Variants in SIL1 observed in about 807,000 individuals in gnomAD.
SIL1 encodes the protein SIL1 nucleotide exchange factor, also known as nucleotide exchange factor SIL1.
A neutral mutation model predicts 49.1 loss-of-function variants in SIL1; 40 were observed. That is an observed-to-expected ratio of 0.81 (90% CI 0.63 to 1.06). SIL1 has a LOEUF of 1.06. SIL1 is among the 50% of genes least tolerant of loss of function. The pLI is 0.00. For synonymous variants in SIL1, 253 were observed against 250.8 expected (o/e 1.01, Z -0.08); for missense variants, 500 against 572.6 (o/e 0.87, Z 1.29).
At chr5:139,161,876 G>A (rs2151810919) in intron 1 of SIL1, among the ~76,000 whole-genome samples, 1 of 152,172 alleles carries the variant, frequency 6.6e-6, no homozygotes, top group Admixed American at 6.5e-5. Flanking sequence ...AGCTGGGCAT[G>A]GTAGCACGCT....
intron 3 of SIL1, among the ~76,000 whole-genome samples, chr5:139,082,150 G>T (rs7733144): frequency 0.12 from 17,891 of 152,114 alleles, 2,517 homozygotes; most frequent in African/African-American, 0.34. Flanking sequence ...GAATTCTTTG[G>T]TTACACAACT....
intron 1 of SIL1, among the ~76,000 whole-genome samples, chr5:139,129,976 T>C (rs1359936309): frequency 6.6e-6 from 1 of 152,208 alleles, no homozygotes; most frequent in Non-Finnish European, 1.5e-5. Flanking sequence ...ACATCTCTGT[T>C]ATGGGTATAT....
At chr5:139,125,062 G>A (rs761584591) in intron 2 of SIL1, among the ~76,000 whole-genome samples, 13 of 152,188 alleles carry the variant, frequency 8.5e-5, no homozygotes, top group South Asian at 2.1e-4. Flanking sequence ...GCCCTTCCTC[G>A]GCAAAGACTT....
At chr5:138,968,095 G>A (rs142764748) in intron 7 of SIL1, among the ~76,000 whole-genome samples, 23 of 152,244 alleles carry the variant, frequency 1.5e-4, no homozygotes, top group East Asian at 9.7e-4. Context: ...CATCCAAGTC[G>A]GAAGTCCTTT....
chr5:139,016,625 G>T (rs1200586882), intron 7 of SIL1, among the ~76,000 whole-genome samples: 1 of 152,068 alleles, frequency 6.6e-6, no homozygotes, highest in African/African-American at 2.4e-5. Context: ...CAAACCAAGG[G>T]ACTATAATGA....
At chr5:138,998,319 C>T (rs543361964) in intron 7 of SIL1, among the ~76,000 whole-genome samples, 7 of 152,176 alleles carry the variant, frequency 4.6e-5, no homozygotes, top group African/African-American at 1.4e-4. Flanking sequence ...AGGCGCGCAC[C>T]ACCACACTTG....
intron 3 of SIL1, among the ~76,000 whole-genome samples, chr5:139,112,785 C>A (rs954092333): frequency 1.3e-5 from 2 of 152,142 alleles, no homozygotes; most frequent in African/African-American, 2.4e-5. Flanking sequence ...GCCACCACCC[C>A]GTCTGGGAGG....
intron 3 of SIL1, among the ~76,000 whole-genome samples, chr5:139,090,073 T>G (rs1770308500): frequency 6.6e-6 from 1 of 152,074 alleles, no homozygotes; most frequent in Non-Finnish European, 1.5e-5. Flanking sequence ...TCTCAAGGAA[T>G]GTCTAGACCT....
At chr5:139,055,757 C>T (rs1204918173) in intron 3 of SIL1, among the ~76,000 whole-genome samples, 1 of 150,376 alleles carries the variant, frequency 6.6e-6, no homozygotes, top group African/African-American at 2.4e-5. Flanking sequence ...TCTCGGCTCA[C>T]TGCAACCTCC....
At position 138,946,867 on chromosome 5, in the gene SIL1, C is replaced by T. The variant is rs1766639686; in HGVS notation, c.*250G>A. 1.8e-6 allele frequency: 1 copy of T among 551,854 alleles called. No homozygotes were observed. The allele number at this position is 551,854 out of a possible 1,614,324, so 34.2% of individuals were successfully genotyped here. On this transcript the variant is annotated 3_prime_UTR_variant, in exon 10 of 10. Transcript: ENST00000394817. ...CTGGGCCCAGGTTCCTGCCCTGGAG[C>T]CTGTTCCTGGATGCCCTGGGCTGAG...
intron 1 of SIL1, among the ~76,000 whole-genome samples, chr5:139,157,492 G>A (rs888706595): frequency 6.6e-6 from 1 of 152,198 alleles, no homozygotes; most frequent in South Asian, 2.1e-4. Flanking sequence ...TTTTCAGGAT[G>A]AGTGTTGGTG....
intron 2 of SIL1, among the ~76,000 whole-genome samples, chr5:139,123,307 G>A (rs147764213): frequency 0.012 from 1,779 of 152,326 alleles, 33 homozygotes; most frequent in African/African-American, 0.04. Flanking sequence ...CCTCCATTCT[G>A]AGGACATGGA....
chr5:139,161,851 A>G (rs1469486250), intron 1 of SIL1, among the ~76,000 whole-genome samples: 1 of 151,972 alleles, frequency 6.6e-6, no homozygotes, highest in African/African-American at 2.4e-5. Flanking sequence ...CATCTCTACT[A>G]AAAACACAAA....
intron 1 of SIL1, among the ~76,000 whole-genome samples, chr5:139,195,510 C>A (rs916788702): frequency 6.6e-6 from 1 of 152,172 alleles, no homozygotes; most frequent in Non-Finnish European, 1.5e-5. Flanking sequence ...GCCTCAGCCT[C>A]CTGAGTAGCT....
chr5:138,957,883 G>C (rs1244036117), intron 7 of SIL1, among the ~76,000 whole-genome samples: 1 of 150,606 alleles, frequency 6.6e-6, no homozygotes, highest in Admixed American at 6.6e-5. Flanking sequence ...CCCAATAATA[G>C]TCCTTACCCC....
intron 1 of SIL1, among the ~76,000 whole-genome samples, chr5:139,138,412 A>C (rs1751017609): frequency 3.9e-5 from 6 of 152,218 alleles, no homozygotes; most frequent in Admixed American, 3.9e-4. Context: ...AGCAAGATAC[A>C]GACAAGGGGA....
At chr5:139,082,920 C>T (rs940415738) in intron 3 of SIL1, among the ~76,000 whole-genome samples, 10 of 152,176 alleles carry the variant, frequency 6.6e-5, no homozygotes, top group African/African-American at 1.7e-4. Context: ...CAGTCCCTCC[C>T]GAACTAGACG....
chr5:139,156,142 G>A (rs896406336), intron 1 of SIL1, among the ~76,000 whole-genome samples: 6 of 152,248 alleles, frequency 3.9e-5, no homozygotes, highest in East Asian at 3.9e-4. Context: ...ATATGTTTAC[G>A]TAATAATAAT....
chr5:139,057,948 C>T (rs1482488711), intron 3 of SIL1, among the ~76,000 whole-genome samples: 1 of 152,158 alleles, frequency 6.6e-6, no homozygotes, highest in African/African-American at 2.4e-5. Flanking sequence ...AGGCGTGGAA[C>T]TCTCATGACC....
Sources: gnomAD v4.1 joint callset for allele counts (sites outside exome capture counted in the v4.1 genomes callset) on GRCh38, gnomAD v4.1.1 for gene constraint, MANE v1.5 for transcripts, NCBI Gene and HGNC (gene_info 2026-07-23, HGNC 2026-07-21) for gene names.